Variants in NELL1 observed in about 807,000 individuals in gnomAD.
NELL1 encodes the protein protein kinase C-binding protein NELL1.
A neutral mutation model predicts 107.4 loss-of-function variants in NELL1; 76 were observed. The ratio of observed to expected loss-of-function variants is 0.71; its 90% confidence interval spans 0.59 to 0.86. NELL1 has a LOEUF of 0.86. Ranked by LOEUF, NELL1 falls within the 40% of genes least tolerant of loss-of-function variation. The pLI is 0.00. For synonymous variants in NELL1, 353 were observed against 341.2 expected, an observed-to-expected ratio of 1.03 and a Z score of -0.38; for missense variants, 1,024 against 1,005.5, an observed-to-expected ratio of 1.02 and a Z score of -0.25.
chr11:20,865,305 C>T (rs746750156), intron 4 of NELL1, among the ~76,000 whole-genome samples: 4 of 152,108 alleles, frequency 2.6e-5, no homozygotes, highest in Non-Finnish European at 5.9e-5. Flanking sequence ...AAAAGGTGAC[C>T]CAGTATTTGT....
At chr11:20,806,238 C>A (rs1590312163) in intron 3 of NELL1, among the ~76,000 whole-genome samples, 1 of 140,014 alleles carries the variant, frequency 7.1e-6, no homozygotes, top group South Asian at 2.5e-4. Context: ...ATTTCTCCTT[C>A]ATGTGTGAAG....
At chr11:20,693,034 T>G (rs1245128888) in intron 2 of NELL1, among the ~76,000 whole-genome samples, 1 of 152,064 alleles carries the variant, frequency 6.6e-6, no homozygotes, top group African/African-American at 2.4e-5. Flanking sequence ...CCTTTACCAT[T>G]ATATAATGGC....
At chr11:21,101,540 G>A (rs1171433867) in intron 12 of NELL1, among the ~76,000 whole-genome samples, 1 of 152,102 alleles carries the variant, frequency 6.6e-6, no homozygotes, top group South Asian at 2.1e-4. Context: ...TCTAACTGGT[G>A]TGAGATGGTA....
At chr11:21,552,511 CAAATTT>C (rs1451269281) in intron 16 of NELL1, among the ~76,000 whole-genome samples, 1 of 151,510 alleles carries the variant, frequency 6.6e-6, no homozygotes, top group Non-Finnish European at 1.5e-5. Flanking sequence ...AAAAAAAAGA[CAAATTT>C]AAAATAAAGA....
intron 14 of NELL1, among the ~76,000 whole-genome samples, chr11:21,348,564 A>T (rs1276480061): frequency 6.6e-6 from 1 of 152,212 alleles, no homozygotes; most frequent in Non-Finnish European, 1.5e-5. Context: ...TAAAAATAGC[A>T]CCTACCTTAT....
intron 12 of NELL1, among the ~76,000 whole-genome samples, chr11:21,012,298 C>T (rs1421765344): frequency 2.0e-5 from 3 of 152,088 alleles, no homozygotes; most frequent in Non-Finnish European, 4.4e-5. Context: ...TGTCTGTGTT[C>T]AACATTCAGA....
At chr11:20,997,760 GC>G (rs1163574234) in intron 12 of NELL1, among the ~76,000 whole-genome samples, 10 of 152,178 alleles carry the variant, frequency 6.6e-5, no homozygotes, top group Non-Finnish European at 1.0e-4. Flanking sequence ...CATTGCTTGA[GC>G]CCAGGAGTTC....
At chr11:21,079,035 A>T (rs1426715652) in intron 12 of NELL1, among the ~76,000 whole-genome samples, 1 of 151,270 alleles carries the variant, frequency 6.6e-6, no homozygotes, top group Non-Finnish European at 1.5e-5. Context: ...TATAAGACTG[A>T]TAACTAAAAA....
At chr11:21,180,639 C>A (rs893948159) in intron 13 of NELL1, among the ~76,000 whole-genome samples, 2 of 151,654 alleles carry the variant, frequency 1.3e-5, no homozygotes, top group African/African-American at 2.4e-5. Flanking sequence ...AGCTGAGCAG[C>A]AAACACATTG....
intron 3 of NELL1, among the ~76,000 whole-genome samples, chr11:20,824,160 C>G (rs1293092019): frequency 6.6e-6 from 1 of 151,146 alleles, no homozygotes; most frequent in African/African-American, 2.4e-5. Flanking sequence ...TTATAAGGGG[C>G]TTTCCCCCAC....
intron 12 of NELL1, among the ~76,000 whole-genome samples, chr11:20,988,576 G>T (rs1433434901): frequency 6.6e-6 from 1 of 150,654 alleles, no homozygotes; most frequent in East Asian, 2.0e-4. Flanking sequence ...TTACTGGGTT[G>T]TCAGGACACT....
chr11:20,908,483 C>T (rs1375266663), intron 5 of NELL1, among the ~76,000 whole-genome samples: 1 of 152,040 alleles, frequency 6.6e-6, no homozygotes, highest in Non-Finnish European at 1.5e-5. Context: ...CATGTTCTCA[C>T]TCATAAGTGG....
intron 12 of NELL1, among the ~76,000 whole-genome samples, chr11:21,015,187 G>T (rs1338222118): frequency 1.3e-5 from 2 of 151,942 alleles, no homozygotes; most frequent in African/African-American, 4.8e-5. Flanking sequence ...TTAACATCAG[G>T]AGTTTGATGA....
At chr11:21,181,991 T>C (rs1389258111) in intron 13 of NELL1, among the ~76,000 whole-genome samples, 1 of 151,900 alleles carries the variant, frequency 6.6e-6, no homozygotes, top group Non-Finnish European at 1.5e-5. Context: ...TCTAATGAAG[T>C]AAATACTGTT....
intron 10 of NELL1, among the ~76,000 whole-genome samples, chr11:20,944,121 G>T (rs561516902): frequency 2.6e-5 from 4 of 152,030 alleles, no homozygotes; most frequent in Non-Finnish European, 5.9e-5. Flanking sequence ...ATCTAAAATG[G>T]TATTATGAAG....
rs538887363 is a variant in NELL1, at chr11:20,882,522, C to T, written c.507-2922C>T. 1.4e-4 allele frequency among the ~76,000 whole-genome samples: 21 copies of T among 152,202 alleles called. No homozygotes were observed. The South Asian group carries it at 4.1e-3, about 30-fold the overall frequency. On this transcript the variant is annotated intron_variant, in intron 4 of 19. Coordinates refer to ENST00000357134, the MANE Select transcript of NELL1 (RefSeq NM_006157.5). ...TGCATTATTTGGAAGGAAGAGAAAGCGTGTATTCATAGATGTGTATACTTA... is the reference window on the plus strand; with the variant it reads ...TGCATTATTTGGAAGGAAGAGAAAGTGTGTATTCATAGATGTGTATACTTA...
chr11:21,110,536 T>C (rs1341659322), intron 12 of NELL1, among the ~76,000 whole-genome samples: 1 of 152,120 alleles, frequency 6.6e-6, no homozygotes, highest in African/African-American at 2.4e-5. Context: ...TCTCAGCAGC[T>C]TGGTGATGGC....
At chr11:21,243,643 G>T (rs967448881) in intron 14 of NELL1, among the ~76,000 whole-genome samples, 2 of 152,220 alleles carry the variant, frequency 1.3e-5, no homozygotes, top group South Asian at 2.1e-4. Context: ...AAAGGCTCTA[G>T]AACAGTACTG....
chr11:21,476,837 G>T (rs572187039), intron 15 of NELL1, among the ~76,000 whole-genome samples: 13 of 152,210 alleles, frequency 8.5e-5, no homozygotes, highest in African/African-American at 3.1e-4. Context: ...CTAAAACACA[G>T]TGCTGCCCTG....
Sources: gnomAD v4.1 joint callset for allele counts (sites outside exome capture counted in the v4.1 genomes callset) on GRCh38, gnomAD v4.1.1 for gene constraint, MANE v1.5 for transcripts, NCBI Gene and HGNC (gene_info 2026-07-23, HGNC 2026-07-21) for gene names.